SEC22A: variants seen among roughly 807,000 people sequenced by gnomAD.
SEC22A encodes the protein vesicle-trafficking protein SEC22a.
In SEC22A, 22 loss-of-function variants were observed where a neutral mutation model predicts 35.3. That is an observed-to-expected ratio of 0.62 (90% CI 0.45 to 0.89). The LOEUF (loss-of-function observed/expected upper bound fraction) is 0.89. SEC22A is among the 40% of genes least tolerant of loss of function. The probability of loss-of-function intolerance (pLI) is 0.00; values close to 1 mark genes in which losing one functional copy is unlikely to be tolerated. For synonymous variants in SEC22A, 119 were observed against 129.5 expected (o/e 0.92, Z 0.55); for missense variants, 354 against 362.5 (o/e 0.98, Z 0.19).
rs539972612 is a variant in SEC22A, at chr3:123,267,764, ATTATC to A, written c.724-3754_724-3750del. ...TTTATGGTAGATCTGCTAGCAGCAA[ATTATC>A]TTAATCTTTCATCTGATAAATGTTT... On this transcript the variant is annotated intron_variant, in intron 6 of 6. Coordinates refer to ENST00000492595, the MANE Select transcript of SEC22A (RefSeq NM_012430.5). Among the ~76,000 whole-genome samples, 17 of 152,234 alleles carry A rather than the reference ATTATC, an allele frequency of 1.1e-4. 1 individual carries two copies. Among genetic ancestry groups the A allele is most frequent in the Middle Eastern group, 3.4e-3 (1 of 294 alleles).
chr3:123,258,411 T>C (rs535868826), intron 5 of SEC22A, among the ~76,000 whole-genome samples: 1 of 152,102 alleles, frequency 6.6e-6, no homozygotes, highest in Non-Finnish European at 1.5e-5. Flanking sequence ...AAAAAAAAGG[T>C]CATTTAAAAA....
At chr3:123,248,054 A>G (rs1449548330) in intron 5 of SEC22A, among the ~76,000 whole-genome samples, 2 of 152,212 alleles carry the variant, frequency 1.3e-5, no homozygotes, top group African/African-American at 4.8e-5. Flanking sequence ...AAAGGGAAAC[A>G]TCCTCAATTT....
In SEC22A at chr3:123,209,239, T is replaced by A. The variant is rs1936898189; in HGVS notation, c.22T>A (p.Ser8Thr). MSMILSA[S>T]VIRVRDGLPL... ...TGAAATGTCTATGATTTTATCTGCC[T>A]CAGTCATTCGTGTCAGAGATGGACT... is the stretch of plus-strand genomic sequence containing the variant. The change falls in exon 2 of 7, where the codon TCA becomes ACA. Residue 8 changes from serine (S) to threonine (T), a missense_variant. Physicochemically the swap from Ser to Thr is moderately conservative, Grantham distance 58. Transcript: ENST00000492595. 1 of 1,614,104 alleles carries A rather than the reference T, an allele frequency of 6.2e-7. No individual in the cohort carries two copies. Among genetic ancestry groups the A allele is most frequent in the Non-Finnish European group, 8.5e-7 (1 of 1,179,950 alleles).
intron 6 of SEC22A, among the ~76,000 whole-genome samples, chr3:123,260,966 G>C (rs1324612770): frequency 6.6e-6 from 1 of 151,694 alleles, no homozygotes; most frequent in Admixed American, 6.6e-5. Context: ...CTCCCGAGTA[G>C]CTGGGAATAC....
intron 4 of SEC22A, among the ~76,000 whole-genome samples, chr3:123,227,960 A>C (rs546035537): frequency 1.8e-4 from 27 of 151,830 alleles, no homozygotes; most frequent in Non-Finnish European, 3.5e-4. Flanking sequence ...AAAAAAAAAA[A>C]AAACTCCAGT....
intron 2 of SEC22A, among the ~76,000 whole-genome samples, chr3:123,211,307 T>A (rs369971215): frequency 6.6e-6 from 1 of 152,052 alleles, no homozygotes; most frequent in Non-Finnish European, 1.5e-5. Context: ...CCAAGCTGGA[T>A]AGGATGGAAT....
At chr3:123,214,612 T>A (rs559310090) in intron 2 of SEC22A, among the ~76,000 whole-genome samples, 1 of 152,222 alleles carries the variant, frequency 6.6e-6, no homozygotes, top group Non-Finnish European at 1.5e-5. Context: ...TTTTAATGAA[T>A]AAACTTATGT....
chr3:123,214,902 A>G (rs755386224), intron 2 of SEC22A, among the ~76,000 whole-genome samples: 6 of 152,008 alleles, frequency 3.9e-5, no homozygotes, highest in Non-Finnish European at 8.8e-5. Flanking sequence ...TGAGCCTCCT[A>G]ATGTTTTTTC....
intron 3 of SEC22A, among the ~76,000 whole-genome samples, chr3:123,224,264 G>GAAA (rs78377430): frequency 1.5e-5 from 2 of 131,052 alleles, no homozygotes; most frequent in East Asian, 2.2e-4. Context: ...TGATGTAGAA[G>GAAA]AAAAAAAAAA....
At chr3:123,269,786 C>G (rs991293461) in intron 6 of SEC22A, among the ~76,000 whole-genome samples, 1 of 152,018 alleles carries the variant, frequency 6.6e-6, no homozygotes, top group African/African-American at 2.4e-5. Flanking sequence ...GCGCCCGCCA[C>G]CACACCCGAC....
chr3:123,224,178 A>G (rs1047558736), intron 3 of SEC22A, among the ~76,000 whole-genome samples: 1 of 152,110 alleles, frequency 6.6e-6, no homozygotes, highest in Non-Finnish European at 1.5e-5. Context: ...AAATGAGTGC[A>G]GTTATATTCT....
At chr3:123,239,091 A>T (rs1462242727) in intron 4 of SEC22A, among the ~76,000 whole-genome samples, 2 of 152,106 alleles carry the variant, frequency 1.3e-5, no homozygotes, top group African/African-American at 4.8e-5. Context: ...ATTAAAATGC[A>T]CAAATCTTTG....
chr3:123,259,518 T>C lies in SEC22A; in HGVS notation c.658-6T>C, dbSNP rs771305886. The C allele has an allele frequency of 3.7e-6, 6 of 1,609,888 alleles. No homozygotes were observed. The Admixed American group carries it at 1.0e-4, about 27-fold the overall frequency. ...ACAAAAATAATCTTTTATTTTGCTT[T>C]TGCAGAGTGATGGTGATGATTTTAA... On this transcript the variant is annotated splice_region_variant and splice_polypyrimidine_tract_variant and intron_variant, in intron 5 of 6. Coordinates refer to ENST00000492595, the MANE Select transcript of SEC22A (RefSeq NM_012430.5).
intron 2 of SEC22A, among the ~76,000 whole-genome samples, chr3:123,219,667 C>CT (rs1460911204): frequency 2.6e-5 from 4 of 152,188 alleles, no homozygotes; most frequent in Admixed American, 6.5e-5. Flanking sequence ...CTACGTGGTG[C>CT]TATTACTCTT....
chr3:123,257,660 C>T (rs928645085), intron 5 of SEC22A, among the ~76,000 whole-genome samples: 31 of 151,816 alleles, frequency 2.0e-4, no homozygotes, highest in Admixed American at 1.4e-3. Context: ...GATCGCGCCA[C>T]TGCATTCCAG....
chr3:123,228,659 A>G (rs1043663895), intron 4 of SEC22A, among the ~76,000 whole-genome samples: 6 of 151,988 alleles, frequency 3.9e-5, no homozygotes, highest in Non-Finnish European at 8.8e-5. Flanking sequence ...GGTAACAGAA[A>G]CTGCCTCTGA....
At chr3:123,270,566 G>A (rs1210463527) in intron 6 of SEC22A, among the ~76,000 whole-genome samples, 1 of 152,178 alleles carries the variant, frequency 6.6e-6, no homozygotes, top group African/African-American at 2.4e-5. Context: ...CACTTACTAT[G>A]TCCCAGGCAC....
chr3:123,257,957 A>T (rs1012892703), intron 5 of SEC22A, among the ~76,000 whole-genome samples: 5 of 150,080 alleles, frequency 3.3e-5, no homozygotes. Flanking sequence ...GTGCCACTGC[A>T]CTCCAGCCTG....
At chr3:123,249,280 G>A (rs1201797368) in intron 5 of SEC22A, among the ~76,000 whole-genome samples, 1 of 151,898 alleles carries the variant, frequency 6.6e-6, no homozygotes, top group Admixed American at 6.6e-5. Context: ...TTTTTATGGA[G>A]GGTTCTTCAT....
Sources: gnomAD v4.1 joint callset for allele counts (sites outside exome capture counted in the v4.1 genomes callset) on GRCh38, gnomAD v4.1.1 for gene constraint, MANE v1.5 for transcripts, NCBI Gene and HGNC (gene_info 2026-07-23, HGNC 2026-07-21) for gene names.